Variants in SOHLH1 observed in about 807,000 individuals in gnomAD.
The protein encoded by SOHLH1 is spermatogenesis and oogenesis specific basic helix-loop-helix 1, also known as spermatogenesis- and oogenesis-specific basic helix-loop-helix-containing protein 1.
A neutral mutation model predicts 36.2 loss-of-function variants in SOHLH1; 23 were observed. That is an observed-to-expected ratio of 0.64 (90% CI 0.46 to 0.90). The LOEUF is 0.90. Among genes scored for constraint, SOHLH1 ranks in the 40% least tolerant of loss-of-function variants. SOHLH1 has a pLI of 0.00. For synonymous variants in SOHLH1, 289 were observed against 228.3 expected (o/e 1.27, Z -2.40); for missense variants, 608 against 517.0 (o/e 1.18, Z -1.71).
Position 135,699,006 on chromosome 9 carries a change from C to T in SOHLH1, c.186G>A (p.Glu62=). Residue 62 remains glutamate (E), a synonymous_variant, in exon 2 of 8, where the codon GAG becomes GAA. Transcript: ENST00000425225. ...SSCLRRNVIS[E]RERRKRMSLS... ...GCACCACCACTCACCTGCGCTCCCT[C>T]TCGCTGATCACGTTCCGCCGAAGGC... 1.2e-6 allele frequency: 2 copies of T among 1,611,564 alleles called. No homozygotes were observed. The highest frequency in any genetic ancestry group is 1.7e-6 in the Non-Finnish European group (2 of 1,179,740).
chr9:135,699,512 CAGGCAG>C (rs1834959477), upstream of SOHLH1: 1 of 1,587,950 alleles, frequency 6.3e-7, no homozygotes, highest in East Asian at 2.3e-5. Flanking sequence ...GCCCCTTCCG[CAGGCAG>C]CCCCGCCCCC....
chr9:135,694,408 C>A lies in SOHLH1; in HGVS notation c.925G>T (p.Ala309Ser). The part of the protein sequence containing the change: ...VDDGTSFLLT[A>S]GPSSWPGSLE... ...TCACCCGGCCACGAGCTGGGACCAG[C>A]AGTCAGCAGGAAGGACGTCCCATCG... Residue 309 changes from alanine (A) to serine (S), a missense_variant, in exon 7 of 8, where the codon GCT becomes TCT. Physicochemically the swap from Ala to Ser is moderately conservative, Grantham distance 99 (BLOSUM62 1). Coordinates refer to ENST00000425225, the MANE Select transcript of SOHLH1 (RefSeq NM_001101677.2). The A allele has an allele frequency of 1.2e-6, 2 of 1,613,220 alleles. No homozygotes were observed. The highest frequency in any genetic ancestry group is 1.7e-6 in the Non-Finnish European group (2 of 1,180,012).
At chr9:135,695,965 C>CG (rs1834774522) in intron 5 of SOHLH1, among the ~76,000 whole-genome samples, 2 of 152,168 alleles carry the variant, frequency 1.3e-5, no homozygotes, top group Non-Finnish European at 2.9e-5. Flanking sequence ...TGGGGCGCCC[C>CG]GGGGAAAACA....
chr9:135,695,120 G>A lies in SOHLH1; in HGVS notation c.805C>T (p.Pro269Ser), dbSNP rs3119932. The change falls in exon 6 of 8, where the codon CCC becomes TCC. Residue 269 changes from proline to serine, a missense_variant. Coordinates refer to ENST00000425225, the MANE Select transcript of SOHLH1 (RefSeq NM_001101677.2). ...EALGWLGQAG[P>S]LAMGAAPLGE... Reference sequence around the variant, plus strand: ...AGAGGTGCAGCCCCCATGGCCAGGGGCCCAGCCTGGCCCAGCCAGCCAAGG... The same window carrying A: ...AGAGGTGCAGCCCCCATGGCCAGGGACCCAGCCTGGCCCAGCCAGCCAAGG... 1,457,996 of 1,597,302 alleles carry A rather than the reference G, an allele frequency of 0.91. 667,011 individuals carry two copies. Among genetic ancestry groups the A allele is most frequent in the East Asian group, 0.97 (43,042 of 44,206 alleles).
chr9:135,697,298 T>A (rs185785049), intron 4 of SOHLH1, among the ~76,000 whole-genome samples: 1 of 152,298 alleles, frequency 6.6e-6, no homozygotes, highest in East Asian at 1.9e-4. Context: ...TCAATTCTGC[T>A]GACCGCGCTC....
At chr9:135,694,288 TG>T in intron 7 of SOHLH1, 98 bp downstream of exon 7, 1 of 1,590,058 alleles carries the variant, frequency 6.3e-7, no homozygotes, top group Non-Finnish European at 8.5e-7. Flanking sequence ...ACACAGACCC[TG>T]GGGCCCCCTG....
intron 5 of SOHLH1, 151 bp downstream of exon 5, chr9:135,696,461 A>T: frequency 1.2e-6 from 1 of 869,490 alleles, no homozygotes; most frequent in Non-Finnish European, 1.7e-6. Context: ...AATCAAGCTC[A>T]TCCCTCAACA....
chr9:135,694,527 G>T (rs944269277), intron 6 of SOHLH1, 70 bp from the exon 7 acceptor site: 18 of 1,584,470 alleles, frequency 1.1e-5, no homozygotes, highest in Non-Finnish European at 1.5e-5. Context: ...GAAACATTTG[G>T]GCCCAAGTCC....
rs1020795637 is a variant in SOHLH1 at position 135,696,606 on chromosome 9, A to G, written c.661+6T>C. 2.5e-6 allele frequency: 4 copies of G among 1,611,694 alleles called. No individual in the cohort carries two copies. In the African/African-American group the frequency reaches 4.0e-5, roughly 16 times the overall value. On this transcript the variant is annotated splice_donor_region_variant and intron_variant, in intron 5 of 7. Coordinates refer to ENST00000425225, the MANE Select transcript of SOHLH1 (RefSeq NM_001101677.2). The stretch of plus-strand genomic sequence containing the variant: ...AAGGCACCCCACATGCACACCCAGG[A>G]CTCACCTGAGAAAGGGGGCAGCCCA...
upstream of SOHLH1, among the ~76,000 whole-genome samples, chr9:135,700,012 T>C (rs926007648): frequency 6.6e-6 from 1 of 152,050 alleles, no homozygotes; most frequent in Non-Finnish European, 1.5e-5. Flanking sequence ...ACGCTGCGCC[T>C]CAGGGTAGGG....
At chr9:135,696,511 G>A (rs1249188965) in intron 5 of SOHLH1, 101 bp downstream of exon 5, 6 of 1,170,034 alleles carry the variant, frequency 5.1e-6, no homozygotes, top group Non-Finnish European at 6.7e-6. Context: ...GGAAAACTTC[G>A]AACCCCGTTT....
In SOHLH1 at chr9:135,694,380, C is replaced by CA; in HGVS notation, c.946+6dup. ...GGGACCAGCCCTGAACCCAGGGCCC[C>CA]ACTCACCCGGCCACGAGCTGGGACC... On this transcript the variant is annotated splice_region_variant and intron_variant, in intron 7 of 7. Transcript: ENST00000425225. 1 of 1,612,624 alleles carries CA rather than the reference C, an allele frequency of 6.2e-7. No individual in the cohort carries two copies. Among genetic ancestry groups the CA allele is most frequent in the Non-Finnish European group, 8.5e-7 (1 of 1,179,688 alleles).
chr9:135,693,730 A>G lies in SOHLH1; in HGVS notation c.1031T>C (p.Leu344Pro). 6.4e-7 allele frequency: 1 copy of G among 1,574,290 alleles called. No homozygotes were observed. The highest frequency in any genetic ancestry group is 8.6e-7 in the Non-Finnish European group (1 of 1,160,796). Residue 344 changes from leucine to proline, a missense_variant, in exon 8 of 8, where the codon CTA becomes CCA. By Grantham distance (98) the Leu-to-Pro change is moderately conservative. Coordinates refer to ENST00000425225, the MANE Select transcript of SOHLH1 (RefSeq NM_001101677.2). Reference sequence around the variant, plus strand: ...CTGGGAGCCAAGCTCAGGGTCCCCTAGGAAGCCTGGCTCTCCAACATCCAG... The same window carrying G: ...CTGGGAGCCAAGCTCAGGGTCCCCTGGGAAGCCTGGCTCTCCAACATCCAG... ...SPLDVGEPGF[L>P]GDPELGSQEL...
At chr9:135,701,548 C>T (rs1411026569), upstream of SOHLH1, among the ~76,000 whole-genome samples, 2 of 152,250 alleles carry the variant, frequency 1.3e-5, no homozygotes, top group Non-Finnish European at 2.9e-5. Flanking sequence ...CCTCTGCTTC[C>T]TAGTCTTTGG....
At chr9:135,694,481 A>G in intron 6 of SOHLH1, 24 bp from the exon 7 acceptor site, 1 of 1,611,390 alleles carries the variant, frequency 6.2e-7, no homozygotes, top group Non-Finnish European at 8.5e-7. Flanking sequence ...GCTCTTCCTC[A>G]GTGGCCACAA....
intron 1 of SOHLH1, 55 bp from the exon 2 acceptor site, chr9:135,699,181 G>C: frequency 6.4e-7 from 1 of 1,551,762 alleles, no homozygotes; most frequent in Non-Finnish European, 8.7e-7. Context: ...AGGCCACCAG[G>C]AGTCCCAGAT....
intron 5 of SOHLH1, among the ~76,000 whole-genome samples, chr9:135,696,399 C>G (rs1564298485): frequency 6.6e-6 from 1 of 152,166 alleles, no homozygotes; most frequent in African/African-American, 2.4e-5. Flanking sequence ...TCCTCCCTCC[C>G]GAGAGCACAC....
intron 3 of SOHLH1, 133 bp from the exon 4 acceptor site, chr9:135,697,760 G>C (rs1044681763): frequency 1.9e-6 from 2 of 1,079,796 alleles, no homozygotes; most frequent in Non-Finnish European, 2.7e-6. Flanking sequence ...ACTTGGGGGC[G>C]AGAGTACAGG....
upstream of SOHLH1, chr9:135,702,057 G>A (rs1835051410): frequency 1.9e-6 from 1 of 528,002 alleles, no homozygotes; most frequent in African/African-American, 2.1e-5. Context: ...CCCCGTCCCA[G>A]CCTGGGCCAG....
Sources: allele counts gnomAD v4.1 joint callset (sites outside exome capture counted in the v4.1 genomes callset), GRCh38; gene constraint gnomAD v4.1.1; transcripts MANE v1.5; gene names NCBI Gene and HGNC (gene_info 2026-07-23, HGNC 2026-07-21).